FREM1: variants seen among roughly 807,000 people sequenced by gnomAD.
FREM1 encodes FRAS1 related extracellular matrix 1.
A neutral mutation model predicts 210.1 loss-of-function variants in FREM1; 220 were observed. The observed-to-expected ratio is 1.05, with a 90% confidence interval of 0.94 to 1.17. The LOEUF is 1.17. Among genes scored for constraint, FREM1 ranks in the 50% most tolerant of loss-of-function variants. FREM1 has a pLI of 0.00. For missense variants in FREM1, 3,454 were observed against 2,675.5 expected (o/e 1.29, Z -6.42); for synonymous variants, 1,189 against 980.2 (o/e 1.21, Z -3.98).
At chr9:14,879,157 CAA>C (rs78563904) in intron 1 of FREM1, among the ~76,000 whole-genome samples, 32 of 104,364 alleles carry the variant, frequency 3.1e-4, no homozygotes, top group African/African-American at 3.4e-4. Context: ...GATTCCGTCT[CAA>C]AAAAAAAAAA....
In FREM1 at chr9:14,750,150, A is replaced by C. The variant is rs372035001; in HGVS notation, c.5534T>G (p.Val1845Gly). 1 of 1,613,660 alleles carries C rather than the reference A, an allele frequency of 6.2e-7. No homozygotes were observed. Among genetic ancestry groups the C allele is most frequent in the Non-Finnish European group, 8.5e-7 (1 of 1,179,792 alleles). Reference protein sequence around the residue: ...AVLGTKTKAAVKILDSKGGQC... With the variant: ...AVLGTKTKAAGKILDSKGGQC... ...ACCTCCTTTTGAGTCCAAAATTTTC[A>C]CTGCAGCTTTTGTCTTTGTGCCAAG... Residue 1845 changes from valine (V) to glycine (G), a missense_variant, in exon 30 of 37, where the codon GTG becomes GGG. By Grantham distance (109) the Val-to-Gly change is moderately radical (BLOSUM62 -3). Coordinates refer to ENST00000380880, the MANE Select transcript of FREM1 (RefSeq NM_001379081.2).
intron 28 of FREM1, among the ~76,000 whole-genome samples, chr9:14,759,508 C>T (rs1845056767): frequency 2.7e-4 from 1 of 3,714 alleles, no homozygotes; most frequent in Non-Finnish European, 1.0e-3. Flanking sequence ...GAGACTTTGT[C>T]TCAAAATAAC....
At chr9:14,879,945 T>C (rs1461382800) in intron 1 of FREM1, among the ~76,000 whole-genome samples, 1 of 152,174 alleles carries the variant, frequency 6.6e-6, no homozygotes, top group Non-Finnish European at 1.5e-5. Flanking sequence ...TAGATGTTTG[T>C]GTCCCCTCAC....
chr9:14,820,290 G>A (rs1254310867), intron 13 of FREM1, among the ~76,000 whole-genome samples: 3 of 152,130 alleles, frequency 2.0e-5, no homozygotes, highest in East Asian at 3.9e-4. Context: ...TTACCCCCAC[G>A]CTTGTATTGC....
At chr9:14,841,974 A>G (rs1382336089) in intron 9 of FREM1, among the ~76,000 whole-genome samples, 1 of 152,202 alleles carries the variant, frequency 6.6e-6, no homozygotes, top group African/African-American at 2.4e-5. Context: ...AATGTTATTC[A>G]TGAAATTATC....
intron 1 of FREM1, among the ~76,000 whole-genome samples, chr9:14,906,286 G>C (rs1170885564): frequency 6.6e-6 from 1 of 152,224 alleles, no homozygotes; most frequent in Non-Finnish European, 1.5e-5. Flanking sequence ...TTTTTTCAAA[G>C]GCCATTATTT....
At chr9:14,776,365 C>T (rs2132641533) in intron 24 of FREM1, 162 bp from the exon 25 acceptor site, 2 of 705,422 alleles carry the variant, frequency 2.8e-6, no homozygotes, top group Non-Finnish European at 4.3e-6. Context: ...ATCATTAAAC[C>T]AGTCACTAGA....
chr9:14,868,336 C>T (rs1831932560), intron 2 of FREM1, among the ~76,000 whole-genome samples: 1 of 151,044 alleles, frequency 6.6e-6, no homozygotes, highest in East Asian at 2.0e-4. Context: ...TCTATAAGGT[C>T]AAGCAGCTGG....
chr9:14,856,615 C>T (rs1030105978), intron 5 of FREM1, among the ~76,000 whole-genome samples: 2 of 151,958 alleles, frequency 1.3e-5, no homozygotes, highest in East Asian at 3.9e-4. Context: ...AGGTGGATCA[C>T]GAGGTCAGGA....
At chr9:14,741,815 G>C (rs1455238839) in intron 35 of FREM1, among the ~76,000 whole-genome samples, 2 of 152,154 alleles carry the variant, frequency 1.3e-5, no homozygotes, top group East Asian at 3.9e-4. Flanking sequence ...TTCAGCATCA[G>C]GATATAATGG....
Position 14,812,850 on chromosome 9 carries a change from C to A in FREM1, c.2855G>T (p.Arg952Ile). The change falls in exon 16 of 37, where the codon AGA (arginine) becomes ATA (isoleucine). Residue 952 changes from arginine (R) to isoleucine (I), a missense_variant. Coordinates refer to ENST00000380880, the MANE Select transcript of FREM1 (RefSeq NM_001379081.2). ...TGTCACGGCCTCTGAGATAACATCT[C>A]TCTGAGAGAACTGATCCACTGTGAC... is the stretch of plus-strand genomic sequence containing the variant. ...AGVTVDQFSQ[R>I]DVISEAVTYK... 1 of 1,613,606 alleles carries A rather than the reference C, an allele frequency of 6.2e-7. No individual in the cohort carries two copies. The highest frequency in any genetic ancestry group is 8.5e-7 in the Non-Finnish European group (1 of 1,179,628).
At chr9:14,881,578 G>A (rs1834799911) in intron 1 of FREM1, among the ~76,000 whole-genome samples, 1 of 151,488 alleles carries the variant, frequency 6.6e-6, no homozygotes, top group South Asian at 2.1e-4. Flanking sequence ...GCTCCTCTCA[G>A]ATAGATTGTT....
At chr9:14,856,835 CAAAAAAAAA>C (rs754857691) in intron 5 of FREM1, among the ~76,000 whole-genome samples, 2 of 78,092 alleles carry the variant, frequency 2.6e-5, no homozygotes, top group African/African-American at 9.0e-5. Context: ...GACTCCGTCT[CAAAAAAAAA>C]AAAAAAAAAA....
chr9:14,877,632 A>T (rs1834014638), intron 1 of FREM1, among the ~76,000 whole-genome samples: 2 of 152,112 alleles, frequency 1.3e-5, no homozygotes, highest in Non-Finnish European at 1.5e-5. Flanking sequence ...GACTGGAACC[A>T]GGGGCTCTCC....
At chr9:14,821,511 T>G (rs1180920971) in intron 13 of FREM1, among the ~76,000 whole-genome samples, 1 of 152,200 alleles carries the variant, frequency 6.6e-6, no homozygotes, top group African/African-American at 2.4e-5. Flanking sequence ...CTGTATCTCA[T>G]ACATAGAAAA....
chr9:14,883,324 A>G (rs796751099), intron 1 of FREM1, among the ~76,000 whole-genome samples: 13 of 152,342 alleles, frequency 8.5e-5, no homozygotes, highest in African/African-American at 3.1e-4. Context: ...TCATCCTTCA[A>G]TCAACTGAGC....
chr9:14,747,236 GA>G, intron 33 of FREM1, 27 bp downstream of exon 33: 1 of 1,604,042 alleles, frequency 6.2e-7, no homozygotes. Flanking sequence ...GTTATAAGGT[GA>G]GTAAGAAGGA....
intron 13 of FREM1, among the ~76,000 whole-genome samples, 195 bp downstream of exon 13, chr9:14,822,965 A>C (rs1348555563): frequency 1.3e-5 from 2 of 152,210 alleles, no homozygotes; most frequent in Admixed American, 6.5e-5. Flanking sequence ...CTCACCTTTT[A>C]CATAGAAAGT....
At chr9:14,818,678 G>T (rs1045116983) in intron 14 of FREM1, among the ~76,000 whole-genome samples, 1 of 152,276 alleles carries the variant, frequency 6.6e-6, no homozygotes, top group East Asian at 1.9e-4. Flanking sequence ...GTTTCTCTAG[G>T]ACCATGAGGC....
Sources: gnomAD v4.1 joint callset for allele counts (sites outside exome capture counted in the v4.1 genomes callset) on GRCh38, gnomAD v4.1.1 for gene constraint, MANE v1.5 for transcripts, NCBI Gene and HGNC (gene_info 2026-07-23, HGNC 2026-07-21) for gene names.